ABCB7: variants seen among roughly 807,000 people sequenced by gnomAD.
ABCB7 encodes the protein ATP binding cassette subfamily B member 7.
Under a neutral mutation model 54.4 loss-of-function variants are expected in ABCB7, and 7 were observed. The observed-to-expected ratio is 0.13, with a 90% CI of 0.07 to 0.24. ABCB7 has a LOEUF of 0.24. Among genes scored for constraint, ABCB7 ranks in the 10% least tolerant of loss-of-function variants. ABCB7 has a pLI of 1.00. For missense variants in ABCB7, 356 were observed against 570.4 expected (o/e 0.62, Z 3.83); for synonymous variants, 218 against 207.1 (o/e 1.05, Z -0.45).
At chrX:75,125,658 G>A (rs12012494) in intron 1 of ABCB7, among the ~76,000 whole-genome samples, 1,362 of 110,388 alleles carry the variant, frequency 0.012, 23 homozygotes, top group African/African-American at 0.043. Context: ...ATACTGCTAC[G>A]GGCACTCAAG....
intron 14 of ABCB7, among the ~76,000 whole-genome samples, chrX:75,061,361 G>A (rs2081281072): frequency 1.8e-5 from 2 of 111,830 alleles, no homozygotes; most frequent in Admixed American, 1.9e-4. Context: ...CTGTTGGTAG[G>A]TCTTTTAGTT....
chrX:75,096,261 A>C (rs2147500618), intron 4 of ABCB7, among the ~76,000 whole-genome samples: 1 of 112,204 alleles, frequency 8.9e-6, no homozygotes, highest in South Asian at 3.7e-4. Flanking sequence ...GTTCAGCTTA[A>C]ACAAATGTAA....
chrX:75,081,236 GGA>G (rs1463169310), intron 4 of ABCB7, among the ~76,000 whole-genome samples: 11 of 112,066 alleles, frequency 9.8e-5, no homozygotes, highest in Non-Finnish European at 1.9e-4. Flanking sequence ...ACTAACATCA[GGA>G]TGACACAAAC....
rs757074347 is a variant in ABCB7, at chrX:75,104,047, G to GTTTTT, written c.334-4991_334-4987dup. Among the ~76,000 whole-genome samples the GTTTTT allele has an allele frequency of 7.4e-4, 10 of 13,440 alleles. 2 individuals are homozygous for GTTTTT. Among genetic ancestry groups the GTTTTT allele is most frequent in the Non-Finnish European group, 1.1e-3 (6 of 5,713 alleles). 11.7% of individuals were successfully genotyped at this position (13,440 alleles called of 115,157 possible). ...AAATGGGCATCCCTGTCTTGTTACA[G>GTTTTT]TTTTTTTTTTTTTTTTTTTTTTTTT... is the stretch of plus-strand genomic sequence containing the variant. On this transcript the variant is annotated intron_variant, in intron 3 of 15. Transcript: ENST00000373394.
chrX:75,131,322 C>T (rs2081972000), intron 1 of ABCB7, among the ~76,000 whole-genome samples: 1 of 109,941 alleles, frequency 9.1e-6, no homozygotes, highest in Non-Finnish European at 1.9e-5. Flanking sequence ...AACATGATGG[C>T]ATTCTTGGCA....
At chrX:75,116,218 C>A (rs1160452700) in intron 1 of ABCB7, among the ~76,000 whole-genome samples, 1 of 111,363 alleles carries the variant, frequency 9.0e-6, no homozygotes, top group Non-Finnish European at 1.9e-5. Context: ...CCACAAGCCC[C>A]TGTTCAAACT....
chrX:75,053,508 T>C lies in ABCB7; in HGVS notation c.2121A>G (p.Thr707=). 8.3e-7 allele frequency: 1 copy of C among 1,210,529 alleles called. No individual in the cohort carries two copies. The highest frequency in any genetic ancestry group is 3.0e-5 in the East Asian group (1 of 33,817). ...PHSIYSEMWH[T]QSSRVQNHDN... is the part of the protein sequence containing the mutation. Reference sequence around the variant, plus strand: ...CATGGTTCTGCACACGGCTGCTCTGTGTATGCCACATTTCTGAATAGATAC... The same window carrying C: ...CATGGTTCTGCACACGGCTGCTCTGCGTATGCCACATTTCTGAATAGATAC... Residue 707 remains threonine (T), a synonymous_variant, in exon 16 of 16, where the codon ACA becomes ACG. Coordinates refer to ENST00000373394, the MANE Select transcript of ABCB7 (RefSeq NM_001271696.3).
At chrX:75,102,443 A>T (rs1446119971) in intron 3 of ABCB7, among the ~76,000 whole-genome samples, 1 of 111,108 alleles carries the variant, frequency 9.0e-6, no homozygotes, top group Non-Finnish European at 1.9e-5. Context: ...TCTGTGTCTG[A>T]CTTATTTCAC....
At chrX:75,146,746 G>C (rs1218774748) in intron 1 of ABCB7, among the ~76,000 whole-genome samples, 1 of 111,425 alleles carries the variant, frequency 9.0e-6, no homozygotes, top group Non-Finnish European at 1.9e-5. Flanking sequence ...TACCATTCAG[G>C]ACAGAGACAC....
chrX:75,061,607 A>T (rs989863648), intron 14 of ABCB7, among the ~76,000 whole-genome samples: 18 of 111,908 alleles, frequency 1.6e-4, no homozygotes, highest in African/African-American at 5.5e-4. Context: ...ATCCTTCAAC[A>T]CTAGCTTTAT....
intron 1 of ABCB7, among the ~76,000 whole-genome samples, chrX:75,142,918 T>C (rs1298800047): frequency 8.9e-6 from 1 of 112,477 alleles, no homozygotes; most frequent in Non-Finnish European, 1.9e-5. Flanking sequence ...AAAAGACTGG[T>C]AGCATGTTCT....
rs2081680443 is a variant in ABCB7, at chrX:75,105,052, T to G, written c.334-5991A>C. Among the ~76,000 whole-genome samples the G allele has an allele frequency of 2.7e-5, 3 of 111,351 alleles. No individual in the cohort carries two copies. In the Admixed American group the frequency reaches 2.9e-4, roughly 11 times the overall value. The stretch of plus-strand genomic sequence containing the variant: ...ACCTCAAAATAATCAAAGCCACATA[T>G]GGCAAACCCAGAGTCAACACCACAC... On this transcript the variant is annotated intron_variant, in intron 3 of 15. Coordinates refer to ENST00000373394, the MANE Select transcript of ABCB7 (RefSeq NM_001271696.3).
intron 3 of ABCB7, among the ~76,000 whole-genome samples, chrX:75,101,980 TAA>T (rs1281733062): frequency 8.9e-6 from 1 of 111,746 alleles, no homozygotes; most frequent in East Asian, 2.8e-4. Flanking sequence ...TGATAAACTA[TAA>T]AGTTTGAAAA....
At chrX:75,077,623 T>C (rs776779354) in intron 4 of ABCB7, among the ~76,000 whole-genome samples, 15 of 111,942 alleles carry the variant, frequency 1.3e-4, no homozygotes, top group Non-Finnish European at 2.4e-4. Flanking sequence ...CCATCTATCT[T>C]TGCAAAGTTT....
chrX:75,122,394 C>G (rs2147537551), intron 1 of ABCB7, among the ~76,000 whole-genome samples: 1 of 79,213 alleles, frequency 1.3e-5, no homozygotes, highest in Admixed American at 2.0e-4. Flanking sequence ...AGCATATAAT[C>G]AAGAAATAAC....
At chrX:75,110,498 C>T (rs765281865) in intron 3 of ABCB7, among the ~76,000 whole-genome samples, 5 of 112,070 alleles carry the variant, frequency 4.5e-5, no homozygotes, top group African/African-American at 1.3e-4. Context: ...CTTCTGATTA[C>T]ATCAAGCTCT....
At chrX:75,084,209 C>T (rs1009022838) in intron 4 of ABCB7, among the ~76,000 whole-genome samples, 5 of 111,478 alleles carry the variant, frequency 4.5e-5, no homozygotes, top group African/African-American at 1.3e-4. Flanking sequence ...ATCTTTATTT[C>T]GATCCAGTGA....
At chrX:75,108,747 G>A (rs892747856) in intron 3 of ABCB7, among the ~76,000 whole-genome samples, 2 of 110,572 alleles carry the variant, frequency 1.8e-5, no homozygotes, top group Non-Finnish European at 3.8e-5. Context: ...AACTGAAAAC[G>A]AGGTGGCCCA....
chrX:75,080,477 C>G (rs6647620), intron 4 of ABCB7, among the ~76,000 whole-genome samples: 12,176 of 110,369 alleles, frequency 0.11, 1,694 homozygotes, highest in African/African-American at 0.38. Flanking sequence ...GCTAATTTTT[C>G]TATTTTTGGT....
Sources: gnomAD v4.1 joint callset for allele counts (sites outside exome capture counted in the v4.1 genomes callset) on GRCh38, gnomAD v4.1.1 for gene constraint, MANE v1.5 for transcripts, NCBI Gene and HGNC (gene_info 2026-07-23, HGNC 2026-07-21) for gene names.